The following GPHN variants were observed in gnomAD, a reference collection of about 807,000 sequenced individuals.
The protein encoded by GPHN is gephyrin.
Under a neutral mutation model 95.5 loss-of-function variants are expected in GPHN, and 17 were observed. The ratio of observed to expected loss-of-function variants is 0.18; its 90% CI spans 0.12 to 0.27. GPHN has a LOEUF of 0.27. Ranked by LOEUF, GPHN falls within the 10% of genes least tolerant of loss-of-function variation. GPHN has a pLI of 1.00. For missense variants in GPHN, 660 were observed against 978.1 expected (o/e 0.67, Z 4.34); for synonymous variants, 320 against 322.5 (o/e 0.99, Z 0.08).
At chr14:67,297,448 C>T in the GPHN span, among the ~76,000 whole-genome samples, 2 of 152,032 alleles carry the variant, frequency 1.3e-5, no homozygotes, top group African/African-American at 4.8e-5. Context: ...TTGTGTTTCT[C>T]AAATTTAACA....
the GPHN span, among the ~76,000 whole-genome samples, chr14:67,344,904 C>A: frequency 0.19 from 28,376 of 149,804 alleles, 4,263 homozygotes; most frequent in East Asian, 0.48. Flanking sequence ...AACAAACAAA[C>A]AAAAAAAACA....
chr14:67,036,425 A>T (rs566543994), intron 10 of GPHN, among the ~76,000 whole-genome samples: 69 of 151,486 alleles, frequency 4.6e-4, no homozygotes, highest in Middle Eastern at 3.4e-3. Context: ...GGAAAGAAAG[A>T]AGTAAAATTA....
At chr14:66,877,903 G>A (rs1850135459) in intron 4 of GPHN, among the ~76,000 whole-genome samples, 1 of 152,064 alleles carries the variant, frequency 6.6e-6, no homozygotes, top group Admixed American at 6.6e-5. Context: ...ACCAAAAAGA[G>A]CCCTTGTAGC....
At chr14:67,204,573 T>A in the GPHN span, 4 of 1,613,628 alleles carry the variant, frequency 2.5e-6, no homozygotes, top group Admixed American at 6.7e-5. Context: ...TTTCTGTGCA[T>A]GATGCGGAGA....
the GPHN span, among the ~76,000 whole-genome samples, chr14:67,402,029 G>T: frequency 6.6e-6 from 1 of 152,154 alleles, no homozygotes; most frequent in Non-Finnish European, 1.5e-5. Context: ...TACTCAGGAG[G>T]CTGAGGCAGA....
intron 9 of GPHN, among the ~76,000 whole-genome samples, chr14:66,991,764 T>TG (rs1265992825): frequency 1.3e-5 from 2 of 150,196 alleles, no homozygotes; most frequent in African/African-American, 4.9e-5. Context: ...CCCAGCTACT[T>TG]GGGAGGCTGA....
the GPHN span, among the ~76,000 whole-genome samples, chr14:67,215,781 C>G: frequency 4.6e-5 from 7 of 152,262 alleles, no homozygotes; most frequent in African/African-American, 1.7e-4. Flanking sequence ...TCTGGTCACT[C>G]TGATGTCTTC....
At chr14:67,613,635 G>C in the GPHN span, 1 of 220,702 alleles carries the variant, frequency 4.5e-6, no homozygotes, top group African/African-American at 2.3e-5. Flanking sequence ...TTTATCTGGG[G>C]AGTATTTGGG....
At chr14:66,538,574 T>C (rs2140032263) in intron 1 of GPHN, among the ~76,000 whole-genome samples, 1 of 152,192 alleles carries the variant, frequency 6.6e-6, no homozygotes, top group East Asian at 1.9e-4. Context: ...ATAGCTTATT[T>C]TCTCAGCTCT....
chr14:66,881,116 T>G (rs559627587), intron 5 of GPHN, among the ~76,000 whole-genome samples: 2 of 151,948 alleles, frequency 1.3e-5, no homozygotes, highest in African/African-American at 4.8e-5. Flanking sequence ...TTATATCCCA[T>G]CAGTGGCAGC....
intron 10 of GPHN, among the ~76,000 whole-genome samples, chr14:67,053,134 G>A (rs551969426): frequency 2.0e-4 from 23 of 116,906 alleles, no homozygotes; most frequent in Middle Eastern, 5.1e-3. Flanking sequence ...ATAGAGACAC[G>A]AAAAACCTTA....
chr14:66,774,224 G>A (rs1267577439), intron 2 of GPHN, among the ~76,000 whole-genome samples: 2 of 151,626 alleles, frequency 1.3e-5, no homozygotes, highest in Non-Finnish European at 2.9e-5. Flanking sequence ...GGATGGTCTC[G>A]ATCTCCTGAC....
At chr14:67,214,406 C>T in the GPHN span, among the ~76,000 whole-genome samples, 61 of 152,212 alleles carry the variant, frequency 4.0e-4, no homozygotes, top group Non-Finnish European at 7.5e-4. Flanking sequence ...TTCCCAGCAC[C>T]GTTTATTAAA....
the GPHN span, among the ~76,000 whole-genome samples, chr14:67,596,216 C>T: frequency 6.6e-6 from 1 of 150,780 alleles, no homozygotes; most frequent in Non-Finnish European, 1.5e-5. Context: ...GCAACCTCCA[C>T]CTCCCGGGTT....
At chr14:67,302,153 A>AT in the GPHN span, 1 of 1,559,660 alleles carries the variant, frequency 6.4e-7, no homozygotes, top group South Asian at 1.2e-5. Context: ...AAACAAGTGC[A>AT]TTTTTCTGCT....
chr14:67,198,944 A>AT, the GPHN span: 6 of 701,296 alleles, frequency 8.6e-6, no homozygotes, highest in Admixed American at 6.0e-5. Context: ...ACACTGAGCT[A>AT]TTACCTCTAA....
the GPHN span, among the ~76,000 whole-genome samples, chr14:67,533,967 C>T: frequency 6.6e-6 from 1 of 152,038 alleles, no homozygotes. Flanking sequence ...GGTGAAGAGC[C>T]TCATCTGGAA....
At chr14:66,581,403 A>G (rs2061164538) in intron 1 of GPHN, among the ~76,000 whole-genome samples, 1 of 151,880 alleles carries the variant, frequency 6.6e-6, no homozygotes, top group Non-Finnish European at 1.5e-5. Context: ...ACTATGCTAG[A>G]TACACTTAAG....
the GPHN span, chr14:67,559,761 C>T: frequency 1.0e-6 from 1 of 959,104 alleles, no homozygotes; most frequent in South Asian, 1.4e-5. Context: ...CCGGAGTTTC[C>T]TGCCCCCTAC....
Sources: gnomAD v4.1 joint callset for allele counts (sites outside exome capture counted in the v4.1 genomes callset) on GRCh38, gnomAD v4.1.1 for gene constraint, MANE v1.5 for transcripts, NCBI Gene and HGNC (gene_info 2026-07-23, HGNC 2026-07-21) for gene names.